The following SLC24A2 variants were observed in gnomAD, a reference collection of about 807,000 sequenced individuals.
The protein encoded by SLC24A2 is solute carrier family 24 member 2.
SLC24A2 carries 36 observed loss-of-function variants against 62.0 expected under a neutral mutation model. The observed-to-expected ratio is 0.58, with a 90% CI of 0.44 to 0.77. The LOEUF is 0.77. Among genes scored for constraint, SLC24A2 ranks in the 30% least tolerant of loss-of-function variants. The probability of loss-of-function intolerance (pLI) is 0.00; values close to 1 mark genes in which losing one functional copy is unlikely to be tolerated. For synonymous variants in SLC24A2, 358 were observed against 294.0 expected (o/e 1.22, Z -2.23); for missense variants, 846 against 817.9 (o/e 1.03, Z -0.42).
At chr9:20,058,206 A>T in the SLC24A2 span, among the ~76,000 whole-genome samples, 1 of 152,178 alleles carries the variant, frequency 6.6e-6, no homozygotes, top group East Asian at 1.9e-4. Flanking sequence ...TGTGGAGTAC[A>T]AAAACATAAA....
chr9:20,203,052 C>T, the SLC24A2 span, among the ~76,000 whole-genome samples: 1 of 151,856 alleles, frequency 6.6e-6, no homozygotes, highest in South Asian at 2.1e-4. Flanking sequence ...TTAAATCCCC[C>T]ATTAATTAAC....
intron 2 of SLC24A2, among the ~76,000 whole-genome samples, chr9:19,659,441 G>T (rs1209696185): frequency 6.6e-6 from 1 of 152,162 alleles, no homozygotes; most frequent in Non-Finnish European, 1.5e-5. Context: ...TTTGGAAATA[G>T]TCCTTTCATT....
At chr9:19,523,396 A>G (rs1330214386) in intron 9 of SLC24A2, among the ~76,000 whole-genome samples, 1 of 152,216 alleles carries the variant, frequency 6.6e-6, no homozygotes, top group Non-Finnish European at 1.5e-5. Flanking sequence ...TATATGTGAG[A>G]TGCAAATCAT....
chr9:19,793,230 C>A (rs1473831426), upstream of SLC24A2, among the ~76,000 whole-genome samples: 2 of 152,254 alleles, frequency 1.3e-5, no homozygotes, highest in Non-Finnish European at 2.9e-5. Flanking sequence ...GTTTTTGTTT[C>A]TCACTTGTGC....
At chr9:19,797,995 A>T in the SLC24A2 span, among the ~76,000 whole-genome samples, 1 of 152,186 alleles carries the variant, frequency 6.6e-6, no homozygotes, top group African/African-American at 2.4e-5. Flanking sequence ...CAAATAACAT[A>T]CATTTATTAT....
the SLC24A2 span, among the ~76,000 whole-genome samples, chr9:20,066,743 G>A: frequency 6.6e-6 from 1 of 152,112 alleles, no homozygotes; most frequent in Non-Finnish European, 1.5e-5. Flanking sequence ...TATAGTTTTG[G>A]AAATAAAAAT....
chr9:19,535,010 T>C (rs1048428963), intron 8 of SLC24A2, among the ~76,000 whole-genome samples: 7 of 152,192 alleles, frequency 4.6e-5, no homozygotes, highest in Non-Finnish European at 7.4e-5. Flanking sequence ...CCACATCCTC[T>C]CCAGCACCTG....
chr9:20,135,041 T>G, the SLC24A2 span, among the ~76,000 whole-genome samples: 1 of 152,188 alleles, frequency 6.6e-6, no homozygotes, highest in African/African-American at 2.4e-5. Context: ...AATAATTTAT[T>G]AAGCAGACAT....
chr9:19,524,742 G>C (rs1376159234), intron 9 of SLC24A2, among the ~76,000 whole-genome samples: 1 of 151,978 alleles, frequency 6.6e-6, no homozygotes, highest in Admixed American at 6.6e-5. Flanking sequence ...CATTCGTCTT[G>C]GCTTTTTAAA....
the SLC24A2 span, among the ~76,000 whole-genome samples, chr9:20,010,146 G>T: frequency 1.3e-5 from 2 of 152,104 alleles, no homozygotes; most frequent in African/African-American, 2.4e-5. Flanking sequence ...CAGAACACAA[G>T]AAGCAACCCA....
At chr9:19,746,821 A>G (rs915238084) in intron 2 of SLC24A2, among the ~76,000 whole-genome samples, 6 of 152,154 alleles carry the variant, frequency 3.9e-5, no homozygotes, top group African/African-American at 1.4e-4. Context: ...GACAGCTAGC[A>G]AGAACCTTTG....
chr9:20,240,613 G>T, the SLC24A2 span, among the ~76,000 whole-genome samples: 1 of 152,146 alleles, frequency 6.6e-6, no homozygotes, highest in South Asian at 2.1e-4. Context: ...TGAACTCTAA[G>T]ATTGGCACTC....
chr9:19,733,670 A>G (rs1028108535), intron 2 of SLC24A2, among the ~76,000 whole-genome samples: 3 of 152,184 alleles, frequency 2.0e-5, no homozygotes, highest in Non-Finnish European at 4.4e-5. Flanking sequence ...TTCTTGTTAT[A>G]AAAATAATCT....
At chr9:20,230,756 T>A in the SLC24A2 span, among the ~76,000 whole-genome samples, 1 of 152,200 alleles carries the variant, frequency 6.6e-6, no homozygotes, top group Non-Finnish European at 1.5e-5. Context: ...CATTTGTCAA[T>A]TTTGGCTTTT....
At chr9:20,095,608 G>T in the SLC24A2 span, among the ~76,000 whole-genome samples, 1 of 151,984 alleles carries the variant, frequency 6.6e-6, no homozygotes, top group East Asian at 1.9e-4. Flanking sequence ...CTTCTTGGTT[G>T]AACAGCTCAC....
At chr9:19,591,305 T>C (rs922944001) in intron 5 of SLC24A2, among the ~76,000 whole-genome samples, 4 of 152,210 alleles carry the variant, frequency 2.6e-5, no homozygotes, top group Admixed American at 1.3e-4. Context: ...CTCCCTCTTA[T>C]AGCTTGCTCT....
the SLC24A2 span, among the ~76,000 whole-genome samples, chr9:19,986,771 C>T: frequency 6.6e-5 from 10 of 151,828 alleles, no homozygotes; most frequent in East Asian, 5.8e-4. Context: ...GGTAGTTGCC[C>T]GAGGCTGGGG....
chr9:19,920,583 G>A, the SLC24A2 span, among the ~76,000 whole-genome samples: 4 of 152,254 alleles, frequency 2.6e-5, no homozygotes, highest in East Asian at 5.8e-4. Flanking sequence ...TACCTGCTGG[G>A]AACCTCTGGG....
At chr9:19,600,443 G>T (rs533506951) in intron 4 of SLC24A2, among the ~76,000 whole-genome samples, 11 of 152,292 alleles carry the variant, frequency 7.2e-5, no homozygotes, top group African/African-American at 1.9e-4. Context: ...ACTCCCAATT[G>T]TCTCACAGGG....
Sources: gnomAD v4.1 joint callset for allele counts (sites outside exome capture counted in the v4.1 genomes callset) on GRCh38, gnomAD v4.1.1 for gene constraint, MANE v1.5 for transcripts, NCBI Gene and HGNC (gene_info 2026-07-23, HGNC 2026-07-21) for gene names.